PSEN1: variants seen among roughly 807,000 people sequenced by gnomAD.
PSEN1 encodes the protein presenilin-1.
In PSEN1, 15 loss-of-function variants were observed where a neutral mutation model predicts 53.5. That is an observed-to-expected ratio of 0.28 (90% CI 0.19 to 0.43). PSEN1 has a LOEUF of 0.43. Ranked by LOEUF, PSEN1 falls within the 20% of genes least tolerant of loss-of-function variation. The probability of loss-of-function intolerance (pLI) is 1.00; values close to 1 mark genes in which losing one functional copy is unlikely to be tolerated. For missense variants in PSEN1, 387 were observed against 571.2 expected (o/e 0.68, Z 3.29); for synonymous variants, 208 against 209.8 (o/e 0.99, Z 0.08).
At chr14:73,179,292 T>C (rs1898134020) in intron 5 of PSEN1, among the ~76,000 whole-genome samples, 1 of 152,156 alleles carries the variant, frequency 6.6e-6, no homozygotes, top group Non-Finnish European at 1.5e-5. Context: ...CACAGGATTG[T>C]GTGAGGACTG....
intron 3 of PSEN1, among the ~76,000 whole-genome samples, chr14:73,151,041 C>G (rs940015448): frequency 5.3e-5 from 8 of 151,204 alleles, no homozygotes; most frequent in African/African-American, 1.9e-4. Context: ...GCACTCCAGC[C>G]TGGGCGACAG....
chr14:73,151,894 A>ATATTTT (rs1566619471), intron 3 of PSEN1, among the ~76,000 whole-genome samples: 1 of 38,952 alleles, frequency 2.6e-5, no homozygotes. Context: ...ATATATATAT[A>ATATTTT]TTTTTTTTTT....
chr14:73,216,777 A>G (rs1249737755), intron 10 of PSEN1, among the ~76,000 whole-genome samples: 1 of 151,984 alleles, frequency 6.6e-6, no homozygotes, highest in Admixed American at 6.6e-5. Flanking sequence ...AAAAAATATT[A>G]ATTAATATGA....
intron 5 of PSEN1, among the ~76,000 whole-genome samples, chr14:73,184,832 G>T (rs1291591885): frequency 1.1e-4 from 17 of 150,054 alleles, no homozygotes; most frequent in Admixed American, 2.0e-4. Context: ...GGGCGGAGGG[G>T]CTCCTCACTT....
Position 73,212,143 on chromosome 14 carries a change from G to A in PSEN1, c.1129+201G>A, listed in dbSNP as rs186170275. 3.2e-5 allele frequency among the ~76,000 whole-genome samples: 3 copies of A among 95,064 alleles called. 1 individual carries two copies. Among genetic ancestry groups the A allele is most frequent in the South Asian group, 7.4e-4 (2 of 2,694 alleles). The allele number at this position is 95,064 out of a possible 152,430, so 62.4% of individuals were successfully genotyped here. A position where few individuals can be genotyped will look rare whatever the true frequency, so the allele number is the denominator to read the frequency against. On this transcript the variant is annotated intron_variant, in intron 10 of 11. Coordinates refer to ENST00000324501, the MANE Select transcript of PSEN1 (RefSeq NM_000021.4). ...TTTTTTTTTTTTGAGACAGAGTCTCGCTCTGTCGCCAGGTTGGAGTGCAAT... is the reference window on the plus strand; with the variant it reads ...TTTTTTTTTTTTGAGACAGAGTCTCACTCTGTCGCCAGGTTGGAGTGCAAT...
chr14:73,209,164 T>C (rs1899577610), intron 9 of PSEN1, among the ~76,000 whole-genome samples: 1 of 152,198 alleles, frequency 6.6e-6, no homozygotes, highest in Admixed American at 6.5e-5. Context: ...GCTGGGAAGC[T>C]GCAGCTGTGG....
chr14:73,151,200 C>T (rs1452344851), intron 3 of PSEN1, among the ~76,000 whole-genome samples: 1 of 152,130 alleles, frequency 6.6e-6, no homozygotes, highest in African/African-American at 2.4e-5. Context: ...TATGTAGATG[C>T]ATGTAGCTCT....
At chr14:73,160,969 C>CTTTT (rs552718246) in intron 3 of PSEN1, among the ~76,000 whole-genome samples, 50 of 91,632 alleles carry the variant, frequency 5.5e-4, no homozygotes, top group African/African-American at 1.9e-3. Context: ...ATATGATTTG[C>CTTTT]TTTTTTTTTT....
chr14:73,201,764 T>C (rs927249962), intron 8 of PSEN1, among the ~76,000 whole-genome samples: 2 of 152,182 alleles, frequency 1.3e-5, no homozygotes, highest in Non-Finnish European at 2.9e-5. Context: ...TTATTTTTTT[T>C]GAAACAGAGT....
At chr14:73,210,930 A>G (rs1207560098) in intron 9 of PSEN1, among the ~76,000 whole-genome samples, 3 of 152,120 alleles carry the variant, frequency 2.0e-5, no homozygotes, top group Non-Finnish European at 4.4e-5. Flanking sequence ...CATGCTCACC[A>G]TTTTCAATGA....
At chr14:73,142,680 T>C (rs533439082) in intron 1 of PSEN1, among the ~76,000 whole-genome samples, 5 of 152,246 alleles carry the variant, frequency 3.3e-5, no homozygotes, top group South Asian at 2.1e-4. Context: ...CCTGTGATAA[T>C]TTCTGAAGTG....
chr14:73,212,481 G>T (rs182818456), intron 10 of PSEN1, among the ~76,000 whole-genome samples: 3 of 152,032 alleles, frequency 2.0e-5, no homozygotes, highest in East Asian at 3.9e-4. Flanking sequence ...TAAAAGATTT[G>T]TTTTTTTAAT....
chr14:73,196,932 CTTT>C (rs557577799), intron 7 of PSEN1, among the ~76,000 whole-genome samples: 2 of 128,870 alleles, frequency 1.6e-5, no homozygotes, highest in Non-Finnish European at 1.6e-5. Flanking sequence ...TTCTTTCTTT[CTTT>C]TTTTTTTTTT....
intron 8 of PSEN1, 148 bp from the exon 9 acceptor site, chr14:73,206,238 C>G (rs1899449115): frequency 1.5e-6 from 1 of 689,186 alleles, no homozygotes; most frequent in African/African-American, 1.8e-5. Flanking sequence ...CAAAGAGAAC[C>G]TTTTTTTTAT....
intron 1 of PSEN1, among the ~76,000 whole-genome samples, chr14:73,139,070 T>C (rs1385050478): frequency 7.2e-6 from 1 of 139,444 alleles, no homozygotes; most frequent in Admixed American, 7.2e-5. Context: ...GATAACCAGA[T>C]CAGGAGATGG....
intron 10 of PSEN1, 67 bp from the exon 11 acceptor site, chr14:73,217,059 T>C: frequency 6.5e-7 from 1 of 1,547,318 alleles, no homozygotes; most frequent in South Asian, 1.1e-5. Context: ...GGCAGTGATA[T>C]TTTTGAATTG....
intron 3 of PSEN1, among the ~76,000 whole-genome samples, chr14:73,151,026 C>T (rs1421421796): frequency 1.3e-5 from 2 of 151,702 alleles, no homozygotes; most frequent in Non-Finnish European, 2.9e-5. Flanking sequence ...CGAGATTGCA[C>T]CACTGCACTC....
chr14:73,171,934 A>G (rs1198527518), intron 4 of PSEN1, among the ~76,000 whole-genome samples: 1 of 152,138 alleles, frequency 6.6e-6, no homozygotes, highest in African/African-American at 2.4e-5. Context: ...ATCTTTTCTC[A>G]TAGCAACTTG....
At chr14:73,148,152 T>G (rs1385673202) in intron 3 of PSEN1, 46 bp downstream of exon 3, 4 of 1,419,118 alleles carry the variant, frequency 2.8e-6, no homozygotes, top group Non-Finnish European at 4.0e-6. Context: ...CTGGATTCAC[T>G]TATCATCTCC....
Sources: allele counts gnomAD v4.1 joint callset (sites outside exome capture counted in the v4.1 genomes callset), GRCh38; gene constraint gnomAD v4.1.1; transcripts MANE v1.5; gene names NCBI Gene and HGNC (gene_info 2026-07-23, HGNC 2026-07-21).